Variants in ETV6 observed in about 807,000 individuals in gnomAD.
ETV6 encodes the protein transcription factor ETV6.
In ETV6, 16 loss-of-function variants were observed where a neutral mutation model predicts 51.1. That is an observed-to-expected ratio of 0.31 (90% CI 0.21 to 0.48). ETV6 has a LOEUF of 0.48. ETV6 is among the 20% of genes least tolerant of loss of function. The pLI is 0.99. For synonymous variants in ETV6, 240 were observed against 224.1 expected (o/e 1.07, Z -0.64); for missense variants, 458 against 594.8 (o/e 0.77, Z 2.39).
At chr12:11,685,897 G>A (rs1007552655) in intron 1 of ETV6, among the ~76,000 whole-genome samples, 19 of 152,170 alleles carry the variant, frequency 1.2e-4, no homozygotes, top group African/African-American at 4.3e-4. Context: ...TTCAGACACA[G>A]CCAGCCACAG....
chr12:11,750,736 G>A (rs966714556), intron 1 of ETV6: 1 of 429,994 alleles, frequency 2.3e-6, no homozygotes, highest in South Asian at 1.7e-5. Context: ...ATGCTCAGAA[G>A]CCCACCTCAC....
intron 2 of ETV6, 140 bp downstream of exon 2, chr12:11,752,719 ACC>A (rs72552338): frequency 4.8e-6 from 5 of 1,035,350 alleles, no homozygotes; most frequent in Admixed American, 2.9e-5. Context: ...AATCTTTCAC[ACC>A]CCCCTACCCC....
chr12:11,868,074 C>T (rs1411153358), intron 4 of ETV6, among the ~76,000 whole-genome samples: 1 of 152,220 alleles, frequency 6.6e-6, no homozygotes, highest in Admixed American at 6.5e-5. Context: ...ATCCATCCTG[C>T]TTCTTCCTTA....
intron 1 of ETV6, among the ~76,000 whole-genome samples, chr12:11,752,147 G>T (rs1866042459): frequency 6.6e-6 from 1 of 151,906 alleles, no homozygotes; most frequent in African/African-American, 2.4e-5. Context: ...TATTTTTTTT[G>T]TTCCCTTTTG....
intron 7 of ETV6, among the ~76,000 whole-genome samples, chr12:11,887,908 C>G (rs1354060072): frequency 6.6e-6 from 1 of 152,202 alleles, no homozygotes; most frequent in South Asian, 2.1e-4. Flanking sequence ...ATTGGCTCTT[C>G]AGCACCATTC....
intron 5 of ETV6, 85 bp downstream of exon 5, chr12:11,870,054 C>G (rs566254330): frequency 2.0e-6 from 3 of 1,463,672 alleles, no homozygotes; most frequent in Admixed American, 2.1e-5. Flanking sequence ...CAGCCAGCCT[C>G]GCACCATTCC....
intron 2 of ETV6, among the ~76,000 whole-genome samples, chr12:11,810,865 T>C (rs1945902227): frequency 2.6e-5 from 4 of 152,210 alleles, no homozygotes; most frequent in Admixed American, 2.6e-4. Flanking sequence ...ATTCCAAATA[T>C]GACATCACTG....
intron 7 of ETV6, among the ~76,000 whole-genome samples, chr12:11,886,465 CTT>C (rs34621404): frequency 2.6e-4 from 39 of 149,512 alleles, no homozygotes; most frequent in Non-Finnish European, 2.4e-4. Context: ...TCCATCAGAG[CTT>C]TTTTTTTTTA....
intron 3 of ETV6, among the ~76,000 whole-genome samples, chr12:11,844,378 G>T (rs996096580): frequency 2.0e-5 from 3 of 152,172 alleles, no homozygotes; most frequent in Non-Finnish European, 2.9e-5. Flanking sequence ...ACTAAAATCT[G>T]CAGTCTTTTC....
At chr12:11,699,814 T>C (rs1163692188) in intron 1 of ETV6, among the ~76,000 whole-genome samples, 2 of 152,108 alleles carry the variant, frequency 1.3e-5, no homozygotes, top group Non-Finnish European at 2.9e-5. Context: ...GTATACTGCG[T>C]TCCCCCTCCT....
intron 2 of ETV6, among the ~76,000 whole-genome samples, chr12:11,776,874 A>T (rs926034514): frequency 1.3e-5 from 2 of 152,242 alleles, no homozygotes; most frequent in Non-Finnish European, 2.9e-5. Flanking sequence ...AGAGCAGCAG[A>T]GGCCACCACC....
chr12:11,848,790 T>C (rs533030572), intron 3 of ETV6, among the ~76,000 whole-genome samples: 21 of 152,234 alleles, frequency 1.4e-4, no homozygotes, highest in Non-Finnish European at 2.8e-4. Flanking sequence ...TGCGTGTGTT[T>C]ACATGAACTG....
chr12:11,801,982 C>T (rs925699685), intron 2 of ETV6, among the ~76,000 whole-genome samples: 2 of 152,230 alleles, frequency 1.3e-5, no homozygotes, highest in African/African-American at 4.8e-5. Context: ...GCCCACATTC[C>T]TTCGGTGGGG....
At position 11,714,047 on chromosome 12, in the gene ETV6, A is replaced by G. The variant is rs138140782; in HGVS notation, c.34-38403A>G. On this transcript the variant is annotated intron_variant, in intron 1 of 7. Transcript: ENST00000396373. ...TTGGCAGGACCCACAGATGATGCATATGACATTAAAGCTTGAGATGCACTG... is the reference window on the plus strand; with the variant it reads ...TTGGCAGGACCCACAGATGATGCATGTGACATTAAAGCTTGAGATGCACTG... Among the ~76,000 whole-genome samples the G allele has an allele frequency of 2.8e-4, 42 of 152,324 alleles. 1 individual carries two copies. Among genetic ancestry groups the G allele is most frequent in the Non-Finnish European group, 4.4e-4 (30 of 68,040 alleles).
intron 1 of ETV6, among the ~76,000 whole-genome samples, chr12:11,654,690 T>C (rs1863967367): frequency 6.6e-6 from 1 of 152,120 alleles, no homozygotes; most frequent in Non-Finnish European, 1.5e-5. Flanking sequence ...GACGGACTTG[T>C]ATTGGCACCA....
At position 11,853,554 on chromosome 12, in the gene ETV6, T is replaced by C. The variant is rs774473327; in HGVS notation, c.456T>C (p.His152=). 1.2e-6 allele frequency: 2 copies of C among 1,614,218 alleles called. No homozygotes were observed. Among genetic ancestry groups the C allele is most frequent in the Non-Finnish European group, 1.7e-6 (2 of 1,180,036 alleles). The change falls in exon 4 of 8, where the codon CAT becomes CAC. Residue 152 remains histidine (H), a synonymous_variant. Coordinates refer to ENST00000396373, the MANE Select transcript of ETV6 (RefSeq NM_001987.5). The stretch of plus-strand genomic sequence containing the variant: ...CGGAGGTCATACTGCATCAGAACCA[T>C]GAAGAAGGTACTGGAAGAGGTTTCT... ...TQPEVILHQN[H]EEDNCVQRTP...
chr12:11,764,290 G>C (rs538539881), intron 2 of ETV6, among the ~76,000 whole-genome samples: 1 of 152,324 alleles, frequency 6.6e-6, no homozygotes, highest in South Asian at 2.1e-4. Flanking sequence ...GGATAAGACA[G>C]ATGGAAAACT....
chr12:11,697,518 G>A (rs1335535681), intron 1 of ETV6, among the ~76,000 whole-genome samples: 1 of 152,190 alleles, frequency 6.6e-6, no homozygotes, highest in Non-Finnish European at 1.5e-5. Context: ...GGTAAAATTA[G>A]AGAATATGAC....
chr12:11,863,199 GTTAT>G (rs919038049), intron 4 of ETV6, among the ~76,000 whole-genome samples: 2 of 152,124 alleles, frequency 1.3e-5, no homozygotes, highest in Admixed American at 6.5e-5. Flanking sequence ...AGGTTTACTG[GTTAT>G]TTATTATTTA....
Sources: gnomAD v4.1 joint callset for allele counts (sites outside exome capture counted in the v4.1 genomes callset) on GRCh38, gnomAD v4.1.1 for gene constraint, MANE v1.5 for transcripts, NCBI Gene and HGNC (gene_info 2026-07-23, HGNC 2026-07-21) for gene names.